The following DTD1 variants were observed in gnomAD, a reference collection of about 807,000 sequenced individuals.
DTD1 encodes D-aminoacyl-tRNA deacylase 1, also known as D-tyrosyl-tRNA deacylase 1 homolog.
A neutral mutation model predicts 25.6 loss-of-function variants in DTD1; 13 were observed. The ratio of observed to expected loss-of-function variants is 0.51; its 90% CI spans 0.33 to 0.81. The LOEUF is 0.81. DTD1 is among the 30% of genes least tolerant of loss of function. DTD1 has a pLI of 0.02. For missense variants in DTD1, 193 were observed against 266.4 expected (o/e 0.72, Z 1.92); for synonymous variants, 110 against 103.6 (o/e 1.06, Z -0.37).
intron 4 of DTD1, among the ~76,000 whole-genome samples, chr20:18,718,989 G>C (rs556125019): frequency 6.6e-6 from 1 of 152,264 alleles, no homozygotes; most frequent in South Asian, 2.1e-4. Flanking sequence ...TCCCCGTTTT[G>C]TACAGATGCT....
chr20:18,748,121 C>T (rs951275627), intron 5 of DTD1, among the ~76,000 whole-genome samples: 1 of 152,068 alleles, frequency 6.6e-6, no homozygotes, highest in East Asian at 1.9e-4. Flanking sequence ...CATACAAGCC[C>T]CTGTCTCCCA....
intron 4 of DTD1, 142 bp downstream of exon 4, chr20:18,628,375 A>G: frequency 6.0e-6 from 4 of 662,584 alleles, no homozygotes; most frequent in Admixed American, 2.6e-5. Context: ...CCAAGAGTGC[A>G]TGTTTACGGT....
At chr20:18,667,483 G>A (rs1342464896) in intron 4 of DTD1, among the ~76,000 whole-genome samples, 1 of 152,220 alleles carries the variant, frequency 6.6e-6, no homozygotes. Context: ...AAATGGGGCT[G>A]CTCTGCTGGC....
chr20:18,747,654 C>T (rs2061305392), intron 5 of DTD1, among the ~76,000 whole-genome samples: 3 of 152,148 alleles, frequency 2.0e-5, no homozygotes, highest in Admixed American at 2.0e-4. Flanking sequence ...TCTCTTCTTC[C>T]AGTTCTGTTG....
intron 5 of DTD1, among the ~76,000 whole-genome samples, chr20:18,759,375 C>CG (rs2061352182): frequency 6.6e-6 from 1 of 152,080 alleles, no homozygotes. Flanking sequence ...TGGCTGGTAC[C>CG]TTTGTTCCTT....
At chr20:18,632,320 A>G in intron 4 of DTD1, 1 of 985,464 alleles carries the variant, frequency 1.0e-6, no homozygotes, top group Middle Eastern at 5.2e-4. Flanking sequence ...ATTTACATGG[A>G]CCAGTTTCCT....
At chr20:18,637,462 G>A (rs116888810) in intron 4 of DTD1, among the ~76,000 whole-genome samples, 2,553 of 152,322 alleles carry the variant, frequency 0.017, 41 homozygotes, top group South Asian at 0.03. Context: ...TTTTTTCCTA[G>A]GAGAGATGAG....
intron 4 of DTD1, among the ~76,000 whole-genome samples, chr20:18,673,981 A>G (rs1353659652): frequency 2.0e-5 from 3 of 152,126 alleles, no homozygotes; most frequent in Non-Finnish European, 4.4e-5. Flanking sequence ...ACCATTTCAG[A>G]ATCACCTTTT....
At chr20:18,632,008 C>T (rs994797065) in intron 4 of DTD1, 16 of 845,200 alleles carry the variant, frequency 1.9e-5, no homozygotes, top group Non-Finnish European at 2.3e-5. Context: ...ATATTGTGCA[C>T]TGGGAGTAGA....
intron 4 of DTD1, among the ~76,000 whole-genome samples, chr20:18,650,589 G>A (rs947743725): frequency 6.6e-6 from 1 of 152,154 alleles, no homozygotes; most frequent in African/African-American, 2.4e-5. Flanking sequence ...TTAAAATATT[G>A]TCACTGTATC....
intron 4 of DTD1, among the ~76,000 whole-genome samples, chr20:18,653,932 A>T (rs776401330): frequency 2.0e-4 from 31 of 152,350 alleles, no homozygotes; most frequent in South Asian, 2.1e-4. Flanking sequence ...GCCTCAAATG[A>T]CTTGTTCAAG....
At chr20:18,612,039 T>G (rs910572064) in intron 3 of DTD1, among the ~76,000 whole-genome samples, 2 of 145,746 alleles carry the variant, frequency 1.4e-5, no homozygotes, top group Non-Finnish European at 3.0e-5. Context: ...TTGTGTTTTT[T>G]TTTTTTTTTT....
At chr20:18,661,600 T>G (rs1182603192) in intron 4 of DTD1, among the ~76,000 whole-genome samples, 1 of 152,180 alleles carries the variant, frequency 6.6e-6, no homozygotes, top group Non-Finnish European at 1.5e-5. Context: ...TTTGATCTCC[T>G]GACCTCGTGA....
intron 4 of DTD1, among the ~76,000 whole-genome samples, chr20:18,639,704 GT>G (rs2060821106): frequency 6.6e-6 from 1 of 152,096 alleles, no homozygotes; most frequent in African/African-American, 2.4e-5. Flanking sequence ...AAATATATTC[GT>G]TTGACTATTT....
intron 4 of DTD1, among the ~76,000 whole-genome samples, chr20:18,690,843 T>C (rs2061043433): frequency 6.6e-6 from 1 of 152,220 alleles, no homozygotes. Context: ...TTTGGTTTCC[T>C]ATAAATTTTA....
intron 3 of DTD1, among the ~76,000 whole-genome samples, chr20:18,626,875 C>G (rs775017230): frequency 6.6e-6 from 1 of 152,220 alleles, no homozygotes; most frequent in African/African-American, 2.4e-5. Context: ...TTCCTGTCCT[C>G]TTGAGCCTGC....
intron 4 of DTD1, among the ~76,000 whole-genome samples, chr20:18,644,313 AG>A (rs2060842332): frequency 6.6e-6 from 1 of 152,218 alleles, no homozygotes; most frequent in South Asian, 2.1e-4. Context: ...TTAAGTTGGT[AG>A]AATTATTTTA....
chr20:18,738,606 C>T (rs745639658), intron 4 of DTD1, among the ~76,000 whole-genome samples: 5 of 152,202 alleles, frequency 3.3e-5, no homozygotes, highest in Admixed American at 6.5e-5. Flanking sequence ...TTTCCTCTCA[C>T]CTGTGTTTAT....
chr20:18,725,305 G>T (rs1253715123), intron 4 of DTD1, among the ~76,000 whole-genome samples: 1 of 152,188 alleles, frequency 6.6e-6, no homozygotes, highest in Non-Finnish European at 1.5e-5. Context: ...ACACTGATGG[G>T]CGTGTCTGAT....
Sources: allele counts gnomAD v4.1 joint callset (sites outside exome capture counted in the v4.1 genomes callset), GRCh38; gene constraint gnomAD v4.1.1; transcripts MANE v1.5; gene names NCBI Gene and HGNC (gene_info 2026-07-23, HGNC 2026-07-21).